Variants in SLC38A6 observed in about 807,000 individuals in gnomAD.
SLC38A6 encodes solute carrier family 38 member 6, also known as N system amino acid transporter NAT-1.
In SLC38A6, 73 loss-of-function variants were observed where a neutral mutation model predicts 65.0. That is an observed-to-expected ratio of 1.12 (90% CI 0.93 to 1.37). SLC38A6 has a LOEUF of 1.37. Ranked by LOEUF, SLC38A6 falls within the 40% of genes most tolerant of loss-of-function variation. The pLI, the probability that SLC38A6 is intolerant of heterozygous loss-of-function variation, is 0.00. For synonymous variants in SLC38A6, 183 were observed against 178.8 expected (o/e 1.02, Z -0.19); for missense variants, 561 against 531.1 (o/e 1.06, Z -0.55).
chr14:60,989,347 A>T (rs2037690427), intron 3 of SLC38A6, among the ~76,000 whole-genome samples: 1 of 152,108 alleles, frequency 6.6e-6, no homozygotes, highest in Non-Finnish European at 1.5e-5. Flanking sequence ...CAAATAGTCT[A>T]ATTTCTGTCA....
intron 16 of SLC38A6, among the ~76,000 whole-genome samples, chr14:61,081,230 C>T (rs910427732): frequency 6.6e-6 from 1 of 152,204 alleles, no homozygotes; most frequent in Non-Finnish European, 1.5e-5. Context: ...TTGTCTGAGC[C>T]AGGAAGTTTG....
chr14:61,068,869 A>G (rs1228039485), intron 15 of SLC38A6, among the ~76,000 whole-genome samples: 2 of 152,216 alleles, frequency 1.3e-5, no homozygotes, highest in Admixed American at 6.5e-5. Context: ...AAAGGAATCT[A>G]ACAGACTGTG....
intron 15 of SLC38A6, among the ~76,000 whole-genome samples, chr14:61,063,004 G>A (rs2042905275): frequency 6.6e-6 from 1 of 152,018 alleles, no homozygotes; most frequent in African/African-American, 2.4e-5. Context: ...TATGTGTTTT[G>A]CAAAGATTTT....
At chr14:60,989,147 T>C (rs2037672266) in intron 3 of SLC38A6, among the ~76,000 whole-genome samples, 2 of 152,228 alleles carry the variant, frequency 1.3e-5, no homozygotes, top group Non-Finnish European at 2.9e-5. Context: ...TTTTATAAGC[T>C]CTTGCCACCA....
chr14:61,066,743 C>G (rs1410025810), intron 15 of SLC38A6, among the ~76,000 whole-genome samples: 3 of 152,074 alleles, frequency 2.0e-5, no homozygotes, highest in Non-Finnish European at 4.4e-5. Flanking sequence ...GATTTTGCAT[C>G]CTGAAAATAC....
chr14:61,002,971 T>C (rs979771283), intron 3 of SLC38A6, among the ~76,000 whole-genome samples: 15 of 152,150 alleles, frequency 9.9e-5, no homozygotes, highest in African/African-American at 3.1e-4. Context: ...CCACATCTTA[T>C]TTTTGTATCT....
chr14:61,067,992 G>C (rs1414087718), intron 15 of SLC38A6, among the ~76,000 whole-genome samples: 6 of 152,144 alleles, frequency 3.9e-5, no homozygotes, highest in Non-Finnish European at 7.4e-5. Context: ...TATTTCTCTT[G>C]AGTTGTTATT....
intron 3 of SLC38A6, among the ~76,000 whole-genome samples, chr14:60,993,471 A>C (rs1361415505): frequency 6.6e-6 from 1 of 152,204 alleles, no homozygotes; most frequent in Non-Finnish European, 1.5e-5. Flanking sequence ...AGGTGTAGTT[A>C]AGGCCAAGAT....
At chr14:61,006,918 C>T (rs2039168914) in intron 3 of SLC38A6, among the ~76,000 whole-genome samples, 1 of 152,104 alleles carries the variant, frequency 6.6e-6, no homozygotes, top group Non-Finnish European at 1.5e-5. Flanking sequence ...GACTTGGAAC[C>T]AAGCCAAATG....
intron 5 of SLC38A6, among the ~76,000 whole-genome samples, chr14:61,028,442 CT>C (rs758263513): frequency 3.3e-5 from 5 of 152,028 alleles, no homozygotes; most frequent in Non-Finnish European, 7.4e-5. Flanking sequence ...CAATTTTTAT[CT>C]TTGCACCATA....
rs1176239362 is a variant in SLC38A6 at position 61,019,536 on chromosome 14, T to C, written c.364-5T>C. ...TATCTTCTGAATATTTCTGTTCTTT[T>C]ACAGTTGGTGGTGGCAGGCACCATA... On this transcript the variant is annotated splice_region_variant and splice_polypyrimidine_tract_variant and intron_variant, in intron 4 of 15. Transcript: ENST00000267488. 1 of 1,613,226 alleles carries C rather than the reference T, an allele frequency of 6.2e-7. No individual in the cohort carries two copies. Among genetic ancestry groups the C allele is most frequent in the Non-Finnish European group, 8.5e-7 (1 of 1,179,418 alleles).
Position 61,050,555 on chromosome 14 carries a change from A to G in SLC38A6, c.969A>G (p.Leu323=). ...SELLKGYSKY[L]SHDVVVMTVK... The stretch of plus-strand genomic sequence containing the variant: ...TACTAAAAGGTTATAGTAAATACTT[A>G]TCACATGATGTTGTTGTCATGACTG... Residue 323 remains leucine, a synonymous_variant, in exon 13 of 16, where the codon TTA becomes TTG. Coordinates refer to ENST00000267488, the MANE Select transcript of SLC38A6 (RefSeq NM_153811.3). The G allele has an allele frequency of 6.3e-7, 1 of 1,589,160 alleles. No homozygotes were observed. The highest frequency in any genetic ancestry group is 8.6e-7 in the Non-Finnish European group (1 of 1,161,760).
At chr14:61,010,559 A>G (rs1324200303) in intron 3 of SLC38A6, among the ~76,000 whole-genome samples, 2 of 152,214 alleles carry the variant, frequency 1.3e-5, no homozygotes, top group Non-Finnish European at 2.9e-5. Flanking sequence ...TAATTTTTGT[A>G]TAAAGCGTAA....
At chr14:61,013,989 A>C (rs1244782316) in intron 3 of SLC38A6, among the ~76,000 whole-genome samples, 1 of 152,146 alleles carries the variant, frequency 6.6e-6, no homozygotes, top group African/African-American at 2.4e-5. Context: ...TTTCCAACTT[A>C]GTTCCATTCT....
chr14:61,064,437 C>T (rs538426851), intron 15 of SLC38A6, among the ~76,000 whole-genome samples: 24 of 152,072 alleles, frequency 1.6e-4, no homozygotes, highest in African/African-American at 5.1e-4. Flanking sequence ...ATACATTTGT[C>T]ACCTGCTCAT....
At chr14:61,007,430 G>T (rs1362905442) in intron 3 of SLC38A6, among the ~76,000 whole-genome samples, 2 of 152,168 alleles carry the variant, frequency 1.3e-5, no homozygotes, top group Non-Finnish European at 2.9e-5. Flanking sequence ...AAGAGTTTGA[G>T]ATTAACCTGG....
chr14:61,016,550 G>A (rs2040023239), intron 4 of SLC38A6, among the ~76,000 whole-genome samples: 1 of 152,154 alleles, frequency 6.6e-6, no homozygotes, highest in African/African-American at 2.4e-5. Context: ...AATAACAGCA[G>A]TATTTATGGG....
chr14:61,001,178 G>A (rs1468320992), intron 3 of SLC38A6, among the ~76,000 whole-genome samples: 1 of 152,150 alleles, frequency 6.6e-6, no homozygotes, highest in South Asian at 2.1e-4. Context: ...ATTGGGGAGG[G>A]CAGGGTGAGG....
chr14:60,992,872 C>T (rs1034867814), intron 3 of SLC38A6, among the ~76,000 whole-genome samples: 59 of 145,702 alleles, frequency 4.0e-4, no homozygotes, highest in African/African-American at 1.3e-3. Flanking sequence ...TTTTTTGAGG[C>T]AGTCTTGCTC....
Sources: allele counts gnomAD v4.1 joint callset (sites outside exome capture counted in the v4.1 genomes callset), GRCh38; gene constraint gnomAD v4.1.1; transcripts MANE v1.5; gene names NCBI Gene and HGNC (gene_info 2026-07-23, HGNC 2026-07-21).